The following DMXL2 variants were observed in gnomAD, a reference collection of about 807,000 sequenced individuals.
The protein encoded by DMXL2 is Dmx like 2.
A neutral mutation model predicts 331.1 loss-of-function variants in DMXL2; 103 were observed. The ratio of observed to expected loss-of-function variants is 0.31; its 90% CI spans 0.27 to 0.37. DMXL2 has a LOEUF of 0.37. Among genes scored for constraint, DMXL2 ranks in the 10% least tolerant of loss-of-function variants. DMXL2 has a pLI of 1.00. For missense variants in DMXL2, 3,171 were observed against 3,642.9 expected (o/e 0.87, Z 3.33); for synonymous variants, 1,281 against 1,252.1 (o/e 1.02, Z -0.49).
At chr15:51,594,752 G>A (rs1389091335) in intron 1 of DMXL2, among the ~76,000 whole-genome samples, 1 of 152,156 alleles carries the variant, frequency 6.6e-6, no homozygotes, top group Non-Finnish European at 1.5e-5. Flanking sequence ...ATGCAAGGCT[G>A]GTTCAACATA....
In DMXL2 at chr15:51,462,619, G is replaced by T. The variant is rs150111250; in HGVS notation, c.7926+760C>A. On this transcript the variant is annotated intron_variant, in intron 33 of 43. Transcript: ENST00000560891. ...CCCAAAGTGCTGGGATTACAGGTGT[G>T]AGCCACCGTGCCCGGCCATGTTTGC... 9.8e-3 allele frequency among the ~76,000 whole-genome samples: 1,492 copies of T among 152,208 alleles called. 19 individuals are homozygous for T. Among genetic ancestry groups the T allele is most frequent in the African/African-American group, 0.035 (1,440 of 41,522 alleles).
intron 28 of DMXL2, 36 bp downstream of exon 28, chr15:51,474,308 C>T (rs752472738): frequency 1.3e-6 from 2 of 1,546,710 alleles, no homozygotes; most frequent in Non-Finnish European, 1.7e-6. Flanking sequence ...AAATGATTAA[C>T]ATTTACATAC....
chr15:51,471,848 G>A (rs1348609761), intron 28 of DMXL2, among the ~76,000 whole-genome samples: 1 of 152,206 alleles, frequency 6.6e-6, no homozygotes, highest in Non-Finnish European at 1.5e-5. Flanking sequence ...TTGGGTAAAT[G>A]AGGAGTAAAT....
At position 51,547,339 on chromosome 15, in the gene DMXL2, G is replaced by A. The variant is rs749401477; in HGVS notation, c.637C>T (p.His213Tyr). 1 of 1,612,814 alleles carries A rather than the reference G, an allele frequency of 6.2e-7. No individual in the cohort carries two copies. The highest frequency in any genetic ancestry group is 1.7e-5 in the Admixed American group (1 of 59,866). The change falls in exon 7 of 44, where the codon CAT (histidine) becomes TAT (tyrosine). Residue 213 changes from histidine to tyrosine, a missense_variant. His to Tyr is a moderately conservative substitution (Grantham distance 83). Coordinates refer to ENST00000560891, the MANE Select transcript of DMXL2 (RefSeq NM_001378457.1). Reference protein sequence around the residue: ...WKSSIIPQDHHEVKRRQSSTQ... With the variant: ...WKSSIIPQDHYEVKRRQSSTQ... ...GAGGACTGTCTCCTTTTTACTTCATGATGATCCTGAGGTATAATTGAAGAC... is the reference window on the plus strand; with the variant it reads ...GAGGACTGTCTCCTTTTTACTTCATAATGATCCTGAGGTATAATTGAAGAC...
At chr15:51,542,261 A>G in intron 9 of DMXL2, 72 bp downstream of exon 9, 1 of 1,410,006 alleles carries the variant, frequency 7.1e-7, no homozygotes, top group Non-Finnish European at 9.8e-7. Context: ...ACAGGTTATG[A>G]AAGTAGTTCC....
chr15:51,529,020 G>A (rs2047846837), intron 13 of DMXL2, among the ~76,000 whole-genome samples: 2 of 152,038 alleles, frequency 1.3e-5, no homozygotes. Context: ...GTGAGTCAAT[G>A]AAGAAATTAA....
chr15:51,499,116 G>A lies in DMXL2; in HGVS notation c.4108C>T (p.His1370Tyr), dbSNP rs1444368024. Residue 1370 changes from histidine (H) to tyrosine (Y), a missense_variant, in exon 18 of 44, where the codon CAT (histidine) becomes TAT (tyrosine). By Grantham distance (83) the His-to-Tyr change is moderately conservative (BLOSUM62 2). Coordinates refer to ENST00000560891, the MANE Select transcript of DMXL2 (RefSeq NM_001378457.1). The part of the protein sequence containing the change: ...KVRRAKAILS[H>Y]LVKCIAGEVA... ...TCACCTGCAATACATTTTACTAAAT[G>A]AGAGAGAATGGCTTTAGCCCTTCGC... 1 of 1,614,088 alleles carries A rather than the reference G, an allele frequency of 6.2e-7. No individual in the cohort carries two copies. Among genetic ancestry groups the A allele is most frequent in the Non-Finnish European group, 8.5e-7 (1 of 1,180,020 alleles).
chr15:51,576,353 A>G (rs1358660000), intron 1 of DMXL2, among the ~76,000 whole-genome samples, 172 bp from the exon 2 acceptor site: 1 of 152,112 alleles, frequency 6.6e-6, no homozygotes, highest in Non-Finnish European at 1.5e-5. Context: ...TAAAAGTCAC[A>G]TTAAAAAATA....
At chr15:51,478,111 C>A (rs957586659) in intron 26 of DMXL2, among the ~76,000 whole-genome samples, 160 bp downstream of exon 26, 10 of 152,138 alleles carry the variant, frequency 6.6e-5, no homozygotes, top group Middle Eastern at 3.4e-3. Flanking sequence ...GACAACTAAA[C>A]AAATAATTAT....
intron 2 of DMXL2, among the ~76,000 whole-genome samples, chr15:51,575,379 T>C (rs911648944): frequency 2.0e-5 from 3 of 152,108 alleles, no homozygotes; most frequent in Non-Finnish European, 4.4e-5. Flanking sequence ...ACCTTATTAC[T>C]CTATTCTCGT....
chr15:51,454,414 G>A (rs2039433700), intron 40 of DMXL2, among the ~76,000 whole-genome samples: 1 of 151,696 alleles, frequency 6.6e-6, no homozygotes, highest in Non-Finnish European at 1.5e-5. Flanking sequence ...AATCCAATTT[G>A]GATTAAGGTG....
intron 2 of DMXL2, among the ~76,000 whole-genome samples, chr15:51,573,318 C>T (rs995357987): frequency 1.3e-5 from 2 of 152,158 alleles, no homozygotes; most frequent in Admixed American, 6.5e-5. Flanking sequence ...ACCAGAAATA[C>T]CATTTGACCC....
Position 51,595,920 on chromosome 15 carries a change from C to T in DMXL2, c.88-19739G>A, listed in dbSNP as rs1469139294. On this transcript the variant is annotated intron_variant, in intron 1 of 43. Transcript: ENST00000560891. The stretch of plus-strand genomic sequence containing the variant: ...CTTACACCTTATACAAAAATTAATT[C>T]AAGATGGATTAAAGACTTAAATGTT... Among the ~76,000 whole-genome samples the T allele has an allele frequency of 4.6e-5, 7 of 152,230 alleles. No homozygotes were observed. In the East Asian group the frequency reaches 1.4e-3, roughly 29 times the overall value.
intron 20 of DMXL2, among the ~76,000 whole-genome samples, chr15:51,489,134 T>C (rs944013379): frequency 1.3e-5 from 2 of 152,190 alleles, no homozygotes; most frequent in African/African-American, 4.8e-5. Context: ...AAATTCAACA[T>C]GTTATATTGT....
chr15:51,572,204 G>C (rs1210606722), intron 2 of DMXL2, among the ~76,000 whole-genome samples: 37 of 145,394 alleles, frequency 2.5e-4, no homozygotes, highest in African/African-American at 9.0e-4. Flanking sequence ...ATAAATTCCT[G>C]GACACATACA....
chr15:51,578,906 A>G (rs1423746859), intron 1 of DMXL2, among the ~76,000 whole-genome samples: 1 of 152,150 alleles, frequency 6.6e-6, no homozygotes, highest in Non-Finnish European at 1.5e-5. Flanking sequence ...GGAGTTCGAG[A>G]ATAGCCTGGG....
intron 1 of DMXL2, among the ~76,000 whole-genome samples, chr15:51,579,694 G>A (rs956419188): frequency 3.3e-5 from 5 of 152,170 alleles, no homozygotes; most frequent in African/African-American, 4.8e-5. Context: ...ACACTGCCTT[G>A]TTGCTAATAA....
intron 6 of DMXL2, among the ~76,000 whole-genome samples, chr15:51,558,147 A>G (rs1324568789): frequency 6.6e-6 from 1 of 152,186 alleles, no homozygotes; most frequent in African/African-American, 2.4e-5. Context: ...CCTTCAAATG[A>G]TGTGTGTAAA....
chr15:51,563,086 T>C (rs1437548800), intron 6 of DMXL2, among the ~76,000 whole-genome samples: 2 of 152,150 alleles, frequency 1.3e-5, no homozygotes, highest in Non-Finnish European at 2.9e-5. Context: ...CCAGTATTAT[T>C]TTACTTTTTA....
Sources: gnomAD v4.1 joint callset for allele counts (sites outside exome capture counted in the v4.1 genomes callset) on GRCh38, gnomAD v4.1.1 for gene constraint, MANE v1.5 for transcripts, NCBI Gene and HGNC (gene_info 2026-07-23, HGNC 2026-07-21) for gene names.